The following TMCO5A variants were observed in gnomAD, a reference collection of about 807,000 sequenced individuals.
TMCO5A encodes transmembrane and coiled-coil domains 5A, also known as transmembrane and coiled-coil domain-containing protein 5A.
TMCO5A carries 34 observed loss-of-function variants against 42.3 expected under a neutral mutation model. That is an observed-to-expected ratio of 0.80 (90% CI 0.61 to 1.07). TMCO5A has a LOEUF of 1.07. TMCO5A is among the 50% of genes least tolerant of loss of function. TMCO5A has a pLI of 0.00. For synonymous variants in TMCO5A, 131 were observed against 115.6 expected, an observed-to-expected ratio of 1.13 and a Z score of -0.86; for missense variants, 357 against 327.9, an observed-to-expected ratio of 1.09 and a Z score of -0.69.
downstream of TMCO5A, among the ~76,000 whole-genome samples, chr15:37,953,108 C>A (rs1046485051): frequency 6.6e-6 from 1 of 152,160 alleles, no homozygotes; most frequent in East Asian, 1.9e-4. Flanking sequence ...CCTGAAAGCA[C>A]CTCTGGACAT....
intron 10 of TMCO5A, 172 bp downstream of exon 10, chr15:37,943,570 T>A (rs1444042421): frequency 1.7e-6 from 1 of 584,538 alleles, no homozygotes; most frequent in Admixed American, 3.4e-5. Flanking sequence ...AACTAGACTC[T>A]AAGGAACAAT....
Position 37,951,292 on chromosome 15 carries a change from G to C in TMCO5A, c.*58G>C. On this transcript the variant is annotated 3_prime_UTR_variant, in exon 12 of 12. Coordinates refer to ENST00000319669, the MANE Select transcript of TMCO5A (RefSeq NM_152453.4). Reference sequence around the variant, plus strand: ...GAAGTGGGATCCGAGCCTGTAGAAGGGAGGCATGAAACTTGTGGAGGAAAG... The same window carrying C: ...GAAGTGGGATCCGAGCCTGTAGAAGCGAGGCATGAAACTTGTGGAGGAAAG... 1 of 1,539,304 alleles carries C rather than the reference G, an allele frequency of 6.5e-7. No homozygotes were observed. The highest frequency in any genetic ancestry group is 8.9e-7 in the Non-Finnish European group (1 of 1,121,306).
chr15:37,942,960 T>C (rs1400651502), intron 9 of TMCO5A: 1 of 158,794 alleles, frequency 6.3e-6, no homozygotes, highest in Non-Finnish European at 1.4e-5. Flanking sequence ...ATAGCCTCTC[T>C]CTATATATAT....
chr15:38,004,234 A>G, the TMCO5A span, among the ~76,000 whole-genome samples: 1 of 151,866 alleles, frequency 6.6e-6, no homozygotes, highest in Non-Finnish European at 1.5e-5. Flanking sequence ...AGGCCTCAGG[A>G]CTCTGCCTGG....
the TMCO5A span, among the ~76,000 whole-genome samples, chr15:38,005,177 G>A: frequency 6.7e-6 from 1 of 150,078 alleles, no homozygotes; most frequent in East Asian, 2.0e-4. Flanking sequence ...GGCACCTAGA[G>A]AGAGGATCCT....
chr15:37,989,836 C>T, the TMCO5A span, among the ~76,000 whole-genome samples: 1 of 151,978 alleles, frequency 6.6e-6, no homozygotes, highest in Admixed American at 6.6e-5. Context: ...GGTCCTCACA[C>T]AGCATAGGAG....
the TMCO5A span, among the ~76,000 whole-genome samples, chr15:38,036,494 TCTCACACACACA>T: frequency 7.4e-6 from 1 of 135,552 alleles, no homozygotes; most frequent in South Asian, 2.2e-4. Flanking sequence ...TCTCTCTCTC[TCTCACACACACA>T]CACACACACA....
chr15:37,957,873 G>C (rs1890329719), intron 11 of TMCO5A, among the ~76,000 whole-genome samples: 1 of 152,108 alleles, frequency 6.6e-6, no homozygotes, highest in Admixed American at 6.6e-5. Flanking sequence ...AAACAGCATG[G>C]TACTGGTACC....
At chr15:38,002,135 G>T in the TMCO5A span, among the ~76,000 whole-genome samples, 4 of 151,874 alleles carry the variant, frequency 2.6e-5, no homozygotes, top group African/African-American at 9.7e-5. Flanking sequence ...ACTTTTGTTT[G>T]TCTGGGAAAG....
intron 11 of TMCO5A, among the ~76,000 whole-genome samples, chr15:37,961,384 T>C (rs1272996821): frequency 2.0e-5 from 3 of 152,184 alleles, no homozygotes; most frequent in African/African-American, 7.2e-5. Flanking sequence ...TTCTCTATTC[T>C]GTTCCATTGG....
chr15:37,936,506 A>C, intron 3 of TMCO5A, 43 bp downstream of exon 3: 1 of 1,581,860 alleles, frequency 6.3e-7, no homozygotes. Context: ...AATCCAAAGA[A>C]GGGGTGGAGG....
downstream of TMCO5A, among the ~76,000 whole-genome samples, chr15:37,954,619 A>T (rs1890238621): frequency 6.6e-6 from 1 of 152,124 alleles, no homozygotes; most frequent in South Asian, 2.1e-4. Context: ...AAGGTACAAA[A>T]CTACTGCTAA....
the TMCO5A span, among the ~76,000 whole-genome samples, chr15:38,001,978 TTCTG>T: frequency 2.0e-5 from 3 of 152,152 alleles, no homozygotes; most frequent in African/African-American, 7.2e-5. Context: ...TGTTATAATA[TTCTG>T]TCTTTCTGTG....
At chr15:38,033,803 A>G in the TMCO5A span, among the ~76,000 whole-genome samples, 1 of 151,880 alleles carries the variant, frequency 6.6e-6, no homozygotes. Flanking sequence ...TAGTAGAGAC[A>G]GGGTTTCACC....
chr15:37,974,536 T>C, the TMCO5A span, among the ~76,000 whole-genome samples: 3 of 152,226 alleles, frequency 2.0e-5, no homozygotes, highest in Non-Finnish European at 2.9e-5. Context: ...TTCTAGTTTT[T>C]GTGCTTAAAG....
chr15:37,990,214 A>T, the TMCO5A span, among the ~76,000 whole-genome samples: 1 of 152,102 alleles, frequency 6.6e-6, no homozygotes, highest in Non-Finnish European at 1.5e-5. Flanking sequence ...TCCATTACTG[A>T]CAGTGAGCTA....
chr15:38,006,778 G>A, the TMCO5A span, among the ~76,000 whole-genome samples: 2 of 151,916 alleles, frequency 1.3e-5, no homozygotes, highest in Non-Finnish European at 2.9e-5. Flanking sequence ...ATCTAAAGCA[G>A]GGATTAGCAA....
chr15:37,942,824 A>G (rs1229609810), intron 9 of TMCO5A: 1 of 153,888 alleles, frequency 6.5e-6, no homozygotes, highest in Non-Finnish European at 1.4e-5. Context: ...GAGAAATCCA[A>G]ACCAAAAACC....
At chr15:37,942,630 C>T in intron 9 of TMCO5A, 1 of 182,472 alleles carries the variant, frequency 5.5e-6, no homozygotes, top group Non-Finnish European at 1.2e-5. Context: ...ACCATCCTCA[C>T]TTCCCCCAAA....
Sources: allele counts gnomAD v4.1 joint callset (sites outside exome capture counted in the v4.1 genomes callset), GRCh38; gene constraint gnomAD v4.1.1; transcripts MANE v1.5; gene names NCBI Gene and HGNC (gene_info 2026-07-23, HGNC 2026-07-21).